The following EPHA6 variants were observed in gnomAD, a reference collection of about 807,000 sequenced individuals.
The protein encoded by EPHA6 is ephrin type-A receptor 6.
Under a neutral mutation model 112.0 loss-of-function variants are expected in EPHA6, and 50 were observed. That is an observed-to-expected ratio of 0.45 (90% CI 0.36 to 0.56). The LOEUF (loss-of-function observed/expected upper bound fraction) is 0.56. Among genes scored for constraint, EPHA6 ranks in the 20% least tolerant of loss-of-function variants. The probability of loss-of-function intolerance (pLI) is 0.00; values close to 1 mark genes in which losing one functional copy is unlikely to be tolerated. For missense variants in EPHA6, 1,280 were observed against 1,417.4 expected (o/e 0.90, Z 1.56); for synonymous variants, 529 against 490.7 (o/e 1.08, Z -1.03).
intron 5 of EPHA6, among the ~76,000 whole-genome samples, chr3:97,253,962 G>C (rs2079221644): frequency 6.6e-6 from 1 of 151,952 alleles, no homozygotes; most frequent in South Asian, 2.1e-4. Flanking sequence ...ATCAGCTCTA[G>C]ATAGGGATTG....
chr3:96,871,501 T>G (rs2036620694), intron 2 of EPHA6, among the ~76,000 whole-genome samples: 1 of 152,084 alleles, frequency 6.6e-6, no homozygotes, highest in Admixed American at 6.6e-5. Context: ...TTTTATCATG[T>G]ATCAAATATT....
intron 5 of EPHA6, among the ~76,000 whole-genome samples, chr3:97,283,837 T>A (rs2080373611): frequency 6.6e-6 from 1 of 152,116 alleles, no homozygotes; most frequent in Non-Finnish European, 1.5e-5. Context: ...AATTAAAATA[T>A]GTTATAGAGA....
intron 3 of EPHA6, among the ~76,000 whole-genome samples, chr3:97,182,441 C>T (rs564231861): frequency 7.3e-5 from 11 of 151,366 alleles, no homozygotes; most frequent in South Asian, 2.1e-4. Context: ...AAGAAATGCA[C>T]GGAATTTTTA....
chr3:97,094,286 C>A (rs570123232), intron 3 of EPHA6, among the ~76,000 whole-genome samples: 2 of 152,210 alleles, frequency 1.3e-5, no homozygotes, highest in South Asian at 4.1e-4. Context: ...TAATCAGTTT[C>A]TCTTATTAGA....
At chr3:96,874,239 T>A (rs1243817262) in intron 2 of EPHA6, among the ~76,000 whole-genome samples, 1 of 152,142 alleles carries the variant, frequency 6.6e-6, no homozygotes, top group Non-Finnish European at 1.5e-5. Context: ...TAAAGATTAA[T>A]TTTCCTTTGA....
At chr3:97,637,354 A>T (rs904776378) in intron 13 of EPHA6, among the ~76,000 whole-genome samples, 2 of 151,818 alleles carry the variant, frequency 1.3e-5, no homozygotes, top group East Asian at 3.9e-4. Flanking sequence ...CTGCTTTCCT[A>T]TACTTGTTTC....
chr3:97,220,810 G>T (rs1359383405), intron 3 of EPHA6, among the ~76,000 whole-genome samples: 1 of 152,086 alleles, frequency 6.6e-6, no homozygotes, highest in Non-Finnish European at 1.5e-5. Context: ...GTCTGGTTTT[G>T]CAAAAAGGCT....
chr3:96,823,894 T>C (rs2033463703), intron 1 of EPHA6, among the ~76,000 whole-genome samples: 1 of 151,798 alleles, frequency 6.6e-6, no homozygotes, highest in Non-Finnish European at 1.5e-5. Context: ...ATGTGTACTG[T>C]TGGTGTAGCA....
At chr3:97,151,229 A>G (rs970539548) in intron 3 of EPHA6, among the ~76,000 whole-genome samples, 2 of 152,124 alleles carry the variant, frequency 1.3e-5, no homozygotes, top group African/African-American at 4.8e-5. Context: ...TTATAGCTTC[A>G]TTTTAAGTAT....
rs143733882 is a variant in EPHA6 at position 96,824,399 on chromosome 3, G to T, written c.385+9391G>T. On this transcript the variant is annotated intron_variant, in intron 1 of 17. Transcript: ENST00000389672. ...TGCAATATATCTGTAGTTATCTTTG[G>T]GTTTTTAAAGTTTATTCATTTTAAT... Among the ~76,000 whole-genome samples, 1,042 of 151,054 alleles carry T rather than the reference G, an allele frequency of 6.9e-3. 11 individuals are homozygous for T. Among genetic ancestry groups the T allele is most frequent in the African/African-American group, 0.023 (948 of 41,316 alleles).
At chr3:97,645,665 T>C (rs1560226101) in intron 14 of EPHA6, among the ~76,000 whole-genome samples, 1 of 146,434 alleles carries the variant, frequency 6.8e-6, no homozygotes, top group Non-Finnish European at 1.5e-5. Flanking sequence ...TAAAGTATAA[T>C]AAAAAAAAAA....
At chr3:97,679,457 G>C (rs1167854930) in intron 14 of EPHA6, among the ~76,000 whole-genome samples, 1 of 152,036 alleles carries the variant, frequency 6.6e-6, no homozygotes, top group Non-Finnish European at 1.5e-5. Flanking sequence ...GGTACTGCTA[G>C]GCATGAAAAC....
chr3:97,642,563 A>G (rs958592821), intron 14 of EPHA6, among the ~76,000 whole-genome samples: 1 of 151,184 alleles, frequency 6.6e-6, no homozygotes, highest in African/African-American at 2.4e-5. Flanking sequence ...AAGAATGTAT[A>G]ACTAGAATAA....
intron 5 of EPHA6, among the ~76,000 whole-genome samples, chr3:97,258,847 G>C (rs1441284932): frequency 1.3e-5 from 2 of 152,120 alleles, no homozygotes; most frequent in African/African-American, 4.8e-5. Context: ...CTCAATAACT[G>C]TGTAGTCTTT....
At chr3:97,378,399 G>T (rs774052224) in intron 5 of EPHA6, among the ~76,000 whole-genome samples, 1 of 152,198 alleles carries the variant, frequency 6.6e-6, no homozygotes, top group Middle Eastern at 3.2e-3. Context: ...AGGGCAGTGC[G>T]AAAGGGAAAT....
intron 2 of EPHA6, among the ~76,000 whole-genome samples, chr3:96,933,293 A>G (rs1357534948): frequency 2.6e-5 from 4 of 152,204 alleles, no homozygotes; most frequent in African/African-American, 9.6e-5. Context: ...TGATTAAAAT[A>G]TATTTTTAAA....
At chr3:97,648,205 A>G in intron 14 of EPHA6, 1 of 639,472 alleles carries the variant, frequency 1.6e-6, no homozygotes, top group East Asian at 2.8e-5. Context: ...GTTGAAATAC[A>G]GAGCCTCATT....
chr3:97,051,936 T>C (rs2045696921), intron 3 of EPHA6, among the ~76,000 whole-genome samples: 2 of 152,146 alleles, frequency 1.3e-5, no homozygotes, highest in Admixed American at 1.3e-4. Context: ...TTGAACTACT[T>C]GAAGACTCCA....
chr3:96,818,890 G>C (rs921423728), intron 1 of EPHA6, among the ~76,000 whole-genome samples: 1 of 151,734 alleles, frequency 6.6e-6, no homozygotes, highest in Admixed American at 6.6e-5. Context: ...ATCACTTCTT[G>C]TTAGACATAA....
Sources: gnomAD v4.1 joint callset for allele counts (sites outside exome capture counted in the v4.1 genomes callset) on GRCh38, gnomAD v4.1.1 for gene constraint, MANE v1.5 for transcripts, NCBI Gene and HGNC (gene_info 2026-07-23, HGNC 2026-07-21) for gene names.